The following MACROD2 variants were observed in gnomAD, a reference collection of about 807,000 sequenced individuals.
The protein encoded by MACROD2 is ADP-ribose glycohydrolase MACROD2.
Under a neutral mutation model 70.4 loss-of-function variants are expected in MACROD2, and 36 were observed. The ratio of observed to expected loss-of-function variants is 0.51; its 90% CI spans 0.39 to 0.68. The LOEUF (loss-of-function observed/expected upper bound fraction) is 0.68. Among genes scored for constraint, MACROD2 ranks in the 30% least tolerant of loss-of-function variants. MACROD2 has a pLI of 0.00. For missense variants in MACROD2, 496 were observed against 538.4 expected, an observed-to-expected ratio of 0.92 and a Z score of 0.78; for synonymous variants, 172 against 178.8, an observed-to-expected ratio of 0.96 and a Z score of 0.30.
At chr20:15,466,611 A>G (rs554238612) in intron 7 of MACROD2, among the ~76,000 whole-genome samples, 2 of 152,308 alleles carry the variant, frequency 1.3e-5, no homozygotes, top group East Asian at 1.9e-4. Context: ...CTATTTTTCT[A>G]TATCATAACA....
chr20:14,251,570 C>T (rs936755284), intron 3 of MACROD2, among the ~76,000 whole-genome samples: 13 of 151,936 alleles, frequency 8.6e-5, no homozygotes, highest in Admixed American at 2.6e-4. Flanking sequence ...GGTGAAACAG[C>T]GAAAACTCAT....
intron 4 of MACROD2, among the ~76,000 whole-genome samples, chr20:14,495,118 A>G (rs778985355): frequency 1.3e-5 from 2 of 152,182 alleles, no homozygotes; most frequent in Non-Finnish European, 2.9e-5. Context: ...TTTAGCCACT[A>G]TAACAGAAAA....
At chr20:15,641,750 ATAGT>A (rs770014859) in intron 8 of MACROD2, among the ~76,000 whole-genome samples, 4 of 152,226 alleles carry the variant, frequency 2.6e-5, no homozygotes, top group African/African-American at 9.6e-5. Context: ...AAGATATAGA[ATAGT>A]TAGAGTTTTA....
intron 8 of MACROD2, among the ~76,000 whole-genome samples, chr20:15,613,810 G>A (rs2049001961): frequency 6.6e-6 from 1 of 152,156 alleles, no homozygotes. Context: ...AATGTAGGAG[G>A]GTGGAAAGTC....
At chr20:15,265,170 C>A (rs2077282418) in intron 6 of MACROD2, among the ~76,000 whole-genome samples, 1 of 152,132 alleles carries the variant, frequency 6.6e-6, no homozygotes, top group African/African-American at 2.4e-5. Flanking sequence ...GCTATTTGAT[C>A]ACCCTGCAAG....
intron 3 of MACROD2, among the ~76,000 whole-genome samples, chr20:14,227,949 A>G (rs1419787012): frequency 6.6e-6 from 1 of 152,156 alleles, no homozygotes; most frequent in Non-Finnish European, 1.5e-5. Flanking sequence ...CCATTTTAAA[A>G]AATTAATAGA....
At chr20:15,667,605 G>T (rs1468878609) in intron 8 of MACROD2, among the ~76,000 whole-genome samples, 1 of 152,060 alleles carries the variant, frequency 6.6e-6, no homozygotes, top group Non-Finnish European at 1.5e-5. Context: ...ACATTCTGCT[G>T]CACAACCATA....
chr20:15,873,103 T>C (rs1175317327), intron 9 of MACROD2, among the ~76,000 whole-genome samples: 1 of 152,208 alleles, frequency 6.6e-6, no homozygotes, highest in African/African-American at 2.4e-5. Context: ...TTTTAAAAAA[T>C]ACTTTTCTAA....
At chr20:14,555,836 G>A (rs897645034) in intron 4 of MACROD2, among the ~76,000 whole-genome samples, 6 of 151,990 alleles carry the variant, frequency 3.9e-5, no homozygotes, top group African/African-American at 1.2e-4. Flanking sequence ...GGTTATCTGG[G>A]ATGAGTATGT....
chr20:15,274,688 G>A (rs781163220), intron 6 of MACROD2, among the ~76,000 whole-genome samples: 8 of 152,220 alleles, frequency 5.3e-5, no homozygotes. Flanking sequence ...GCTCTCCTTT[G>A]TGCTGAGGTA....
chr20:15,865,149 AT>A (rs2064474653), intron 9 of MACROD2, among the ~76,000 whole-genome samples: 1 of 152,130 alleles, frequency 6.6e-6, no homozygotes, highest in Admixed American at 6.5e-5. Context: ...AAAAGAAGTC[AT>A]TTTTATAATC....
chr20:14,235,558 C>T (rs1187026133), intron 3 of MACROD2, among the ~76,000 whole-genome samples: 1 of 152,106 alleles, frequency 6.6e-6, no homozygotes, highest in Non-Finnish European at 1.5e-5. Flanking sequence ...TTGAAAAATA[C>T]TATGAAGAAA....
intron 4 of MACROD2, among the ~76,000 whole-genome samples, chr20:14,541,879 T>C (rs545380754): frequency 6.6e-6 from 1 of 152,362 alleles, no homozygotes; most frequent in Admixed American, 6.5e-5. Flanking sequence ...CTAAGACTCA[T>C]CTGTTCTGAT....
chr20:14,545,677 T>C (rs1261716311), intron 4 of MACROD2, among the ~76,000 whole-genome samples: 1 of 152,244 alleles, frequency 6.6e-6, no homozygotes, highest in African/African-American at 2.4e-5. Flanking sequence ...GCTTTGTTTG[T>C]TAAAGTTCAC....
At chr20:14,573,453 A>G (rs1344203943) in intron 4 of MACROD2, among the ~76,000 whole-genome samples, 1 of 152,220 alleles carries the variant, frequency 6.6e-6, no homozygotes, top group East Asian at 1.9e-4. Flanking sequence ...TAGAAAATAA[A>G]GTATCTACGT....
intron 8 of MACROD2, among the ~76,000 whole-genome samples, chr20:15,585,491 C>T (rs976887587): frequency 3.4e-4 from 52 of 152,116 alleles, no homozygotes; most frequent in Admixed American, 2.9e-3. Flanking sequence ...CCACCATGCC[C>T]GGCCTGGAGC....
At chr20:15,095,159 C>G (rs1276800263) in intron 5 of MACROD2, among the ~76,000 whole-genome samples, 1 of 148,512 alleles carries the variant, frequency 6.7e-6, no homozygotes, top group Non-Finnish European at 1.5e-5. Flanking sequence ...TCACTGCAAG[C>G]TCCGCCTCCC....
At chr20:15,320,144 C>T (rs569557297) in intron 6 of MACROD2, among the ~76,000 whole-genome samples, 17 of 152,082 alleles carry the variant, frequency 1.1e-4, no homozygotes, top group South Asian at 4.2e-4. Context: ...GTGGAGGTTG[C>T]GGTGAGCCAA....
At chr20:15,622,505 C>T (rs1400921664) in intron 8 of MACROD2, among the ~76,000 whole-genome samples, 2 of 152,134 alleles carry the variant, frequency 1.3e-5, no homozygotes, top group Non-Finnish European at 2.9e-5. Context: ...ATAACCAAGA[C>T]AGCTCCTGAA....
Sources: gnomAD v4.1 joint callset for allele counts (sites outside exome capture counted in the v4.1 genomes callset) on GRCh38, gnomAD v4.1.1 for gene constraint, MANE v1.5 for transcripts, NCBI Gene and HGNC (gene_info 2026-07-23, HGNC 2026-07-21) for gene names.